The following CEACAM16 variants were observed in gnomAD, a reference collection of about 807,000 sequenced individuals.
The protein encoded by CEACAM16 is cell adhesion molecule CEACAM16.
A neutral mutation model predicts 39.4 loss-of-function variants in CEACAM16; 30 were observed. That is an observed-to-expected ratio of 0.76 (90% CI 0.57 to 1.03). The LOEUF (loss-of-function observed/expected upper bound fraction) is 1.03, where lower values mean the gene tolerates loss of function less well. Among genes scored for constraint, CEACAM16 ranks in the 50% least tolerant of loss-of-function variants. The pLI is 0.00. For synonymous variants in CEACAM16, 262 were observed against 264.9 expected (o/e 0.99, Z 0.11); for missense variants, 521 against 585.3 (o/e 0.89, Z 1.13).
intron 1 of CEACAM16, among the ~76,000 whole-genome samples, chr19:44,699,610 C>T (rs1599805653): frequency 6.6e-6 from 1 of 152,202 alleles, no homozygotes; most frequent in Non-Finnish European, 1.5e-5. Flanking sequence ...CTCCTGACCT[C>T]AGTTGATCCA....
At position 44,705,917 on chromosome 19, in the gene CEACAM16, T is replaced by C. The variant is rs772641940; in HGVS notation, c.940+49T>C. ...CCCCCCAGTCCCCATGGAGGCCTCATCAGGCTGCGAAGGTTAAGCCACCAT... is the reference window on the plus strand; with the variant it reads ...CCCCCCAGTCCCCATGGAGGCCTCACCAGGCTGCGAAGGTTAAGCCACCAT... On this transcript the variant is annotated intron_variant, in intron 5 of 6. Transcript: ENST00000587331. The C allele has an allele frequency of 5.1e-6, 8 of 1,572,522 alleles. No individual in the cohort carries two copies. In the African/African-American group the frequency reaches 6.7e-5, roughly 13 times the overall value.
intron 4 of CEACAM16, among the ~76,000 whole-genome samples, chr19:44,704,764 A>C (rs1974415823): frequency 6.7e-6 from 1 of 149,660 alleles, no homozygotes. Flanking sequence ...AAAAAAAACA[A>C]CAACAACAAA....
intron 5 of CEACAM16, among the ~76,000 whole-genome samples, chr19:44,706,766 G>C (rs931017765): frequency 6.6e-6 from 1 of 152,220 alleles, no homozygotes; most frequent in Non-Finnish European, 1.5e-5. Flanking sequence ...AAGAAGGGGG[G>C]TGTCCAAGGT....
intron 5 of CEACAM16, among the ~76,000 whole-genome samples, chr19:44,706,157 C>T (rs1308625123): frequency 6.6e-6 from 1 of 152,060 alleles, no homozygotes; most frequent in African/African-American, 2.4e-5. Flanking sequence ...TAAATTCAGT[C>T]ACCAGCTGTT....
intron 6 of CEACAM16, among the ~76,000 whole-genome samples, 191 bp downstream of exon 6, chr19:44,708,378 TCAAACTAA>T (rs1974485834): frequency 6.6e-6 from 1 of 152,162 alleles, no homozygotes; most frequent in Admixed American, 6.5e-5. Flanking sequence ...GCCTCTTCTA[TCAAACTAA>T]TGACCTACAC....
chr19:44,708,042 C>G lies in CEACAM16; in HGVS notation c.1122C>G (p.Pro374=). ...QLPSGTWIAG[P]AHTGREVGFP... ...CGTCAGGAACCTGGATTGCAGGCCC[C>G]GCGCACACAGGCCGGGAGGTGGGCT... The change falls in exon 6 of 7, where the codon CCC becomes CCG. Residue 374 remains proline, a synonymous_variant. Transcript: ENST00000587331. The G allele has an allele frequency of 6.2e-7, 1 of 1,612,488 alleles. No individual in the cohort carries two copies. The highest frequency in any genetic ancestry group is 8.5e-7 in the Non-Finnish European group (1 of 1,179,570).
Position 44,705,842 on chromosome 19 carries a change from CT to C in CEACAM16, c.915del (p.Ala306ProfsTer15). The C allele has an allele frequency of 6.2e-7, 1 of 1,613,516 alleles. No homozygotes were observed. The highest frequency in any genetic ancestry group is 1.1e-5 in the South Asian group (1 of 91,076). ...AKNTKTLLSGSASVVVKLSAA... is the reference protein window; with the variant it reads ...AKNTKTLLSGXASVVVKLSAA... ...AACACCAAGACCCTGCTATCTGGAT[CT>C]GCCTCAGTCGTGGTCAAGCTCTCTG... On this transcript the variant is annotated frameshift_variant, in exon 5 of 7. Transcript: ENST00000587331. LOFTEE classifies it high-confidence loss of function.
Position 44,704,972 on chromosome 19 carries a change from C to T in CEACAM16, c.662-618C>T, listed in dbSNP as rs1188393951. Among the ~76,000 whole-genome samples, 4 of 152,084 alleles carry T rather than the reference C, an allele frequency of 2.6e-5. No individual in the cohort carries two copies. The East Asian group carries it at 7.7e-4, about 29-fold the overall frequency. On this transcript the variant is annotated intron_variant, in intron 4 of 6. Coordinates refer to ENST00000587331, the MANE Select transcript of CEACAM16 (RefSeq NM_001039213.4). Reference sequence around the variant, plus strand: ...CATAACCAAAGCATGCAGTCGTTCCCAGGAGCAGCAGATGTGCAGTGTGGA... The same window carrying T: ...CATAACCAAAGCATGCAGTCGTTCCTAGGAGCAGCAGATGTGCAGTGTGGA...
intron 4 of CEACAM16, among the ~76,000 whole-genome samples, chr19:44,705,210 T>C (rs1314477497): frequency 1.3e-5 from 2 of 152,128 alleles, no homozygotes; most frequent in African/African-American, 4.8e-5. Flanking sequence ...AAACATAGAT[T>C]TCTAGAAGCT....
rs1467861020 is a variant in CEACAM16, at chr19:44,703,668, G to A, written c.357G>A (p.Val119=). The part of the protein sequence containing the change: ...QTFNRQLQTE[V]GYGHVQVHEI... Reference sequence around the variant, plus strand: ...TCAACAGGCAGTTGCAGACCGAGGTGGGCTACGGACACGTGCAGGTCCATG... The same window carrying A: ...TCAACAGGCAGTTGCAGACCGAGGTAGGCTACGGACACGTGCAGGTCCATG... Residue 119 remains valine (V), a synonymous_variant, in exon 3 of 7, where the codon GTG becomes GTA. Coordinates refer to ENST00000587331, the MANE Select transcript of CEACAM16 (RefSeq NM_001039213.4). The A allele has an allele frequency of 6.4e-7, 1 of 1,568,496 alleles. No homozygotes were observed. Among genetic ancestry groups the A allele is most frequent in the Non-Finnish European group, 8.7e-7 (1 of 1,153,940 alleles).
intron 2 of CEACAM16, 126 bp from the exon 3 acceptor site, chr19:44,703,223 G>C: frequency 1.3e-6 from 1 of 777,874 alleles, no homozygotes. Context: ...TCCTGGTTTT[G>C]CCTGTCCTCA....
In CEACAM16 at chr19:44,701,238, C is replaced by T. The variant is rs1195802871; in HGVS notation, c.-96-123C>T. Reference sequence around the variant, plus strand: ...TGCCCCAGGAGGCCTGCCCAGGTCACGGCCTCTGGCCGGTGCCCGCCACAC... The same window carrying T: ...TGCCCCAGGAGGCCTGCCCAGGTCATGGCCTCTGGCCGGTGCCCGCCACAC... On this transcript the variant is annotated intron_variant, in intron 1 of 6. Coordinates refer to ENST00000587331, the MANE Select transcript of CEACAM16 (RefSeq NM_001039213.4). This position sits in a 1 kb window ranked among gnomAD's most constrained non-coding sequence, Gnocchi z 4.0. 5 of 633,128 alleles carry T rather than the reference C, an allele frequency of 7.9e-6. No homozygotes were observed. The highest frequency in any genetic ancestry group is 2.7e-5 in the East Asian group (1 of 36,612). The allele number at this position is 633,128 out of a possible 1,614,324, so 39.2% of individuals were successfully genotyped here. A position where few individuals can be genotyped will look rare whatever the true frequency, so the allele number is the denominator to read the frequency against.
At chr19:44,702,951 C>T (rs1165313342) in intron 2 of CEACAM16, among the ~76,000 whole-genome samples, 7 of 152,228 alleles carry the variant, frequency 4.6e-5, no homozygotes, top group Non-Finnish European at 1.5e-5. Flanking sequence ...ACACGCCTCC[C>T]TCCCTCGGAC....
rs1007942267 is a variant in CEACAM16, at chr19:44,701,306, G to A, written c.-96-55G>A. The A allele has an allele frequency of 3.4e-5, 29 of 862,300 alleles. No individual in the cohort carries two copies. Among genetic ancestry groups the A allele is most frequent in the African/African-American group, 5.0e-5 (3 of 59,916 alleles). 53.4% of individuals were successfully genotyped at this position (862,300 alleles called of 1,614,324 possible). A position where few individuals can be genotyped will look rare whatever the true frequency, so the allele number is the denominator to read the frequency against. On this transcript the variant is annotated intron_variant, in intron 1 of 6. Transcript: ENST00000587331. This position sits in a 1 kb window ranked among gnomAD's most constrained non-coding sequence, Gnocchi z 4.0. ...CCGGGCCCCAGATCCTTGGTGACTC[G>A]ATCCCTCCAAATTCAGGTGATCTCC...
rs868564003 is a variant in CEACAM16 at position 44,703,550 on chromosome 19, C to T, written c.239C>T (p.Ala80Val). The T allele has an allele frequency of 6.2e-7, 1 of 1,613,156 alleles. No individual in the cohort carries two copies. The highest frequency in any genetic ancestry group is 1.1e-5 in the South Asian group (1 of 91,030). Reference sequence around the variant, plus strand: ...ACAGGCGATGAGACTCCTGGCCCGGCCCACACGGGGCGGGAGGCTGTGCGC... The same window carrying T: ...ACAGGCGATGAGACTCCTGGCCCGGTCCACACGGGGCGGGAGGCTGTGCGC... ...VSTGDETPGP[A>V]HTGREAVRPD... Residue 80 changes from alanine (A) to valine (V), a missense_variant, in exon 3 of 7, where the codon GCC (alanine) becomes GTC (valine). By Grantham distance (64) the Ala-to-Val change is moderately conservative. Coordinates refer to ENST00000587331, the MANE Select transcript of CEACAM16 (RefSeq NM_001039213.4).
Position 44,705,723 on chromosome 19 carries a change from C to T in CEACAM16, c.795C>T (p.Thr265=), listed in dbSNP as rs1478372109. 2 of 1,613,892 alleles carry T rather than the reference C, an allele frequency of 1.2e-6. No individual in the cohort carries two copies. The highest frequency in any genetic ancestry group is 1.7e-6 in the Non-Finnish European group (2 of 1,179,896). Residue 265 remains threonine (T), a synonymous_variant, in exon 5 of 7, where the codon ACC becomes ACT. Transcript: ENST00000587331. ...RSCPEPEYVW[T]FNGQALKNGQ... ...GCCCAGAGCCCGAGTATGTGTGGAC[C>T]TTCAACGGGCAGGCCCTAAAGAACG...
intron 1 of CEACAM16, among the ~76,000 whole-genome samples, chr19:44,700,131 G>A (rs770749290): frequency 1.1e-4 from 16 of 152,092 alleles, no homozygotes; most frequent in African/African-American, 3.1e-4. Context: ...TCAGCCTCTC[G>A]AGTAGCTGGG....
chr19:44,700,232 C>A lies in CEACAM16; in HGVS notation c.-97+972C>A, dbSNP rs568142286. 2.0e-5 allele frequency among the ~76,000 whole-genome samples: 3 copies of A among 152,182 alleles called. No homozygotes were observed. The South Asian group carries it at 6.2e-4, about 31-fold the overall frequency. On this transcript the variant is annotated intron_variant, in intron 1 of 6. Transcript: ENST00000587331. Reference sequence around the variant, plus strand: ...ATATTGGCCAGGCTGGTCTCGAACTCCTGACCTCGTGAGCCACCTGCCTTG... The same window carrying A: ...ATATTGGCCAGGCTGGTCTCGAACTACTGACCTCGTGAGCCACCTGCCTTG...
Position 44,704,029 on chromosome 19 carries a change from C to T in CEACAM16, c.394C>T (p.Gln132Ter), listed in dbSNP as rs1485760073. The change falls in exon 4 of 7, where the codon CAG (glutamine) becomes TAG (stop). Residue 132 changes from glutamine (Q) to a stop codon, truncating the protein, a stop_gained. Coordinates refer to ENST00000587331, the MANE Select transcript of CEACAM16 (RefSeq NM_001039213.4). LOFTEE classifies it high-confidence loss of function. ...GHVQVHEILAQPTVLANSTAL... is the reference protein window; with the variant it reads ...GHVQVHEILA The stretch of plus-strand genomic sequence containing the variant: ...TCTTGCCCCCACAGAGATCCTGGCC[C>T]AGCCCACAGTCTTGGCCAACAGCAC... The T allele has an allele frequency of 1.3e-6, 2 of 1,598,016 alleles. No individual in the cohort carries two copies. Among genetic ancestry groups the T allele is most frequent in the Admixed American group, 1.7e-5 (1 of 59,612 alleles).
Sources: allele counts gnomAD v4.1 joint callset (sites outside exome capture counted in the v4.1 genomes callset), GRCh38; gene constraint gnomAD v4.1.1; non-coding constraint Gnocchi (gnomAD v3.1); transcripts MANE v1.5; gene names NCBI Gene and HGNC (gene_info 2026-07-23, HGNC 2026-07-21).